Variants in MEIG1 observed in about 807,000 individuals in gnomAD.
MEIG1 encodes meiosis expressed gene 1 protein homolog.
A neutral mutation model predicts 11.3 loss-of-function variants in MEIG1; 12 were observed. The observed-to-expected ratio is 1.07, with a 90% CI of 0.68 to 1.73. The LOEUF is 1.73. MEIG1 is among the 40% of genes most tolerant of loss of function. The pLI is 0.00. For missense variants in MEIG1, 119 were observed against 104.9 expected (o/e 1.13, Z -0.59); for synonymous variants, 41 against 33.2 (o/e 1.24, Z -0.81).
At chr10:14,976,765 TCCTGTACAC>T (rs1843214111), downstream of MEIG1, among the ~76,000 whole-genome samples, 1 of 151,962 alleles carries the variant, frequency 6.6e-6, no homozygotes, top group Non-Finnish European at 1.5e-5. Flanking sequence ...AATTCACAGG[TCCTGTACAC>T]CCTTTCATAT....
intron 2 of MEIG1, among the ~76,000 whole-genome samples, chr10:14,967,120 C>T (rs1009601444): frequency 2.6e-5 from 4 of 151,904 alleles, no homozygotes; most frequent in African/African-American, 9.7e-5. Flanking sequence ...TAGCTGGGCA[C>T]ATTCAGAATT....
intron 1 of MEIG1, among the ~76,000 whole-genome samples, chr10:14,979,158 CAG>C (rs1843239874): frequency 6.6e-6 from 1 of 151,350 alleles, no homozygotes; most frequent in Non-Finnish European, 1.5e-5. Context: ...CGGAATATCT[CAG>C]GGGGATTTTA....
At chr10:14,967,361 T>G (rs1244824262) in intron 2 of MEIG1, among the ~76,000 whole-genome samples, 1 of 152,166 alleles carries the variant, frequency 6.6e-6, no homozygotes, top group Non-Finnish European at 1.5e-5. Context: ...GAACAACTCG[T>G]GACTTTGATA....
At position 14,972,539 on chromosome 10, in the gene MEIG1, T is replaced by C. The variant is rs753777802; in HGVS notation, c.165T>C (p.Tyr55=). 1 of 1,614,104 alleles carries C rather than the reference T, an allele frequency of 6.2e-7. No homozygotes were observed. The change falls in exon 3 of 3, where the codon TAT becomes TAC. Residue 55 remains tyrosine (Y), a synonymous_variant. Transcript: ENST00000407572. ...TAGATCGTTGGCCGGAGACAGGATATGTGAAGAAACTTCAGAGAAGGGACA... is the reference window on the plus strand; with the variant it reads ...TAGATCGTTGGCCGGAGACAGGATACGTGAAGAAACTTCAGAGAAGGGACA... ...SMVDRWPETG[Y]VKKLQRRDNT... is the part of the protein sequence containing the mutation.
chr10:14,985,390 T>C (rs1429400259), intron 1 of MEIG1, among the ~76,000 whole-genome samples: 1 of 152,078 alleles, frequency 6.6e-6, no homozygotes, highest in Non-Finnish European at 1.5e-5. Context: ...ACAATGCATG[T>C]ACACCCTCTG....
chr10:14,975,618 T>C (rs1245348213), downstream of MEIG1, among the ~76,000 whole-genome samples: 2 of 152,006 alleles, frequency 1.3e-5, no homozygotes, highest in Non-Finnish European at 2.9e-5. Flanking sequence ...GGGAGGATAA[T>C]ATTCTTCTTA....
Position 14,972,845 on chromosome 10 carries a change from T to C in MEIG1, c.*204T>C, listed in dbSNP as rs5019235. On this transcript the variant is annotated 3_prime_UTR_variant, in exon 3 of 3. Coordinates refer to ENST00000407572, the MANE Select transcript of MEIG1 (RefSeq NM_001080836.3). Reference sequence around the variant, plus strand: ...GCTGCAGATGCATTAAAGTTGTACTTTCTTGGTCCTGCTCTTTTTGTCCAT... The same window carrying C: ...GCTGCAGATGCATTAAAGTTGTACTCTCTTGGTCCTGCTCTTTTTGTCCAT... The C allele has an allele frequency of 0.67, 312,053 of 468,082 alleles. 104,842 individuals carry two copies. Among genetic ancestry groups the C allele is most frequent in the Admixed American group, 0.7 (17,807 of 25,282 alleles). 29.0% of individuals were successfully genotyped at this position (468,082 alleles called of 1,614,324 possible). A position where few individuals can be genotyped will look rare whatever the true frequency, so the allele number is the denominator to read the frequency against.
At chr10:14,985,773 T>A (rs7090044) in intron 1 of MEIG1, among the ~76,000 whole-genome samples, 29,317 of 151,944 alleles carry the variant, frequency 0.19, 3,135 homozygotes, top group African/African-American at 0.28. Context: ...ACATGCTTTG[T>A]TATTATTTGT....
intron 1 of MEIG1, among the ~76,000 whole-genome samples, chr10:14,960,172 T>A (rs975570384): frequency 6.6e-6 from 1 of 152,220 alleles, no homozygotes; most frequent in African/African-American, 2.4e-5. Context: ...TTCATGGCCT[T>A]GCCTAAGGTT....
intron 1 of MEIG1, among the ~76,000 whole-genome samples, chr10:14,964,598 TATATATATATAC>T (rs138321646): frequency 2.1e-4 from 23 of 108,304 alleles, no homozygotes; most frequent in African/African-American, 5.4e-4. Context: ...TATATATATA[TATATATATATAC>T]ACACACACAC....
chr10:14,981,661 A>G (rs1843266612), intron 1 of MEIG1, among the ~76,000 whole-genome samples: 1 of 152,144 alleles, frequency 6.6e-6, no homozygotes, highest in Admixed American at 6.5e-5. Flanking sequence ...TCAGTCCAAT[A>G]ACCCTTCTGC....
chr10:14,976,218 T>C (rs1193498764), downstream of MEIG1, among the ~76,000 whole-genome samples: 2 of 152,174 alleles, frequency 1.3e-5, no homozygotes, highest in Non-Finnish European at 2.9e-5. Context: ...ATTTTCCATA[T>C]TCTAGCAAGA....
downstream of MEIG1, among the ~76,000 whole-genome samples, chr10:14,975,826 T>G (rs1843204117): frequency 6.6e-6 from 1 of 151,960 alleles, no homozygotes; most frequent in East Asian, 1.9e-4. Flanking sequence ...GGTCCTAATT[T>G]CAACATGGGA....
At chr10:14,956,025 T>C (rs549585438), upstream of MEIG1, among the ~76,000 whole-genome samples, 3 of 152,322 alleles carry the variant, frequency 2.0e-5, no homozygotes, top group East Asian at 5.8e-4. Flanking sequence ...CAGGTCAAGT[T>C]AATGCTCGTG....
At chr10:14,955,605 G>A (rs1018657948), upstream of MEIG1, among the ~76,000 whole-genome samples, 1 of 152,208 alleles carries the variant, frequency 6.6e-6, no homozygotes. Context: ...GGCCGAGGCA[G>A]GAGAATCACT....
At chr10:14,983,252 T>C (rs1564510242) in intron 1 of MEIG1, among the ~76,000 whole-genome samples, 2 of 152,124 alleles carry the variant, frequency 1.3e-5, no homozygotes, top group Non-Finnish European at 2.9e-5. Context: ...CACCCGGTGA[T>C]ATTCCTCCTA....
chr10:14,962,252 T>G (rs1843023170), intron 1 of MEIG1, among the ~76,000 whole-genome samples: 1 of 152,222 alleles, frequency 6.6e-6, no homozygotes, highest in Non-Finnish European at 1.5e-5. Context: ...TGTAAGTTGA[T>G]CTTTCCTAAT....
chr10:14,976,539 C>T (rs1843211994), downstream of MEIG1, among the ~76,000 whole-genome samples: 1 of 151,910 alleles, frequency 6.6e-6, no homozygotes, highest in Non-Finnish European at 1.5e-5. Flanking sequence ...TCAAATCACT[C>T]GTATTATCCT....
chr10:14,965,729 A>C (rs1170205074), intron 1 of MEIG1, among the ~76,000 whole-genome samples: 1 of 147,634 alleles, frequency 6.8e-6, no homozygotes, highest in Non-Finnish European at 1.5e-5. Context: ...GCAGCTTTGA[A>C]TATAAGTAAT....
Sources: allele counts gnomAD v4.1 joint callset (sites outside exome capture counted in the v4.1 genomes callset), GRCh38; gene constraint gnomAD v4.1.1; transcripts MANE v1.5; gene names NCBI Gene and HGNC (gene_info 2026-07-23, HGNC 2026-07-21).